Variants in FAM118B observed in about 807,000 individuals in gnomAD.
The protein encoded by FAM118B is protein FAM118B.
Under a neutral mutation model 38.5 loss-of-function variants are expected in FAM118B, and 24 were observed. The observed-to-expected ratio is 0.62, with a 90% CI of 0.45 to 0.88. The LOEUF is 0.88. Ranked by LOEUF, FAM118B falls within the 40% of genes least tolerant of loss-of-function variation. FAM118B has a pLI of 0.00. For synonymous variants in FAM118B, 138 were observed against 156.3 expected (o/e 0.88, Z 0.87); for missense variants, 334 against 420.0 (o/e 0.80, Z 1.79).
intron 1 of FAM118B, among the ~76,000 whole-genome samples, chr11:126,228,314 G>T (rs1049827708): frequency 1.3e-4 from 19 of 150,586 alleles, no homozygotes; most frequent in African/African-American, 4.6e-4. Flanking sequence ...TTCTGCCTCA[G>T]CCTCCCTCCT....
chr11:126,215,716 AT>A (rs1219736763), intron 1 of FAM118B, among the ~76,000 whole-genome samples: 11 of 146,274 alleles, frequency 7.5e-5, no homozygotes, highest in African/African-American at 1.8e-4. Flanking sequence ...AAAAAAAAAA[AT>A]GTCCTAAATG....
intron 7 of FAM118B, among the ~76,000 whole-genome samples, chr11:126,257,607 T>TC (rs1249385511): frequency 6.7e-6 from 1 of 148,306 alleles, no homozygotes; most frequent in African/African-American, 2.5e-5. Flanking sequence ...AATTGTACAT[T>TC]TTTTTTTTTT....
At chr11:126,211,994 C>A (rs948575384) in intron 1 of FAM118B, among the ~76,000 whole-genome samples, 164 bp downstream of exon 1, 1 of 152,224 alleles carries the variant, frequency 6.6e-6, no homozygotes, top group South Asian at 2.1e-4. Flanking sequence ...CGCCCCCGCG[C>A]CCCCTTAGGA....
chr11:126,223,173 G>C (rs1000795131), intron 1 of FAM118B, among the ~76,000 whole-genome samples: 1 of 152,114 alleles, frequency 6.6e-6, no homozygotes, highest in African/African-American at 2.4e-5. Flanking sequence ...GGAGGGGGCT[G>C]GATGGATGTT....
At position 126,234,990 on chromosome 11, in the gene FAM118B, T is replaced by A; in HGVS notation, c.-7-5T>A. 6.2e-7 allele frequency: 1 copy of A among 1,610,936 alleles called. No homozygotes were observed. The highest frequency in any genetic ancestry group is 8.5e-7 in the Non-Finnish European group (1 of 1,177,302). On this transcript the variant is annotated splice_polypyrimidine_tract_variant and splice_region_variant and intron_variant, in intron 2 of 8. Coordinates refer to ENST00000533050, the MANE Select transcript of FAM118B (RefSeq NM_024556.4). ...TTGTGGTTCATGGTGTTTAATCTAT[T>A]TTAGAAACTGGATGGCTTCTACAGG...
At chr11:126,229,813 T>G (rs373357185) in intron 2 of FAM118B, among the ~76,000 whole-genome samples, 5 of 152,198 alleles carry the variant, frequency 3.3e-5, no homozygotes, top group African/African-American at 9.6e-5. Context: ...CATTCTAGAA[T>G]TTGGGGTTTT....
At position 126,262,262 on chromosome 11, in the gene FAM118B, G is replaced by C; in HGVS notation, c.*129G>C. Reference sequence around the variant, plus strand: ...TAACAATAGCCAGAGGTTGAAGGGCGGGGTAGAAGAGGGGGGAATGTTGCA... The same window carrying C: ...TAACAATAGCCAGAGGTTGAAGGGCCGGGTAGAAGAGGGGGGAATGTTGCA... On this transcript the variant is annotated 3_prime_UTR_variant, in exon 9 of 9. Coordinates refer to ENST00000533050, the MANE Select transcript of FAM118B (RefSeq NM_024556.4). 1.0e-6 allele frequency: 1 copy of C among 984,796 alleles called. No homozygotes were observed. The highest frequency in any genetic ancestry group is 1.6e-6 in the Non-Finnish European group (1 of 630,216). The allele number at this position is 984,796 out of a possible 1,614,324, so 61.0% of individuals were successfully genotyped here.
rs1360309103 is a variant in FAM118B at position 126,252,692 on chromosome 11, G to A, written c.568-1613G>A. ...GAGGCAGTCGAGGCTACAGTGAGTT[G>A]TGATCACACTGTTGCACTCCAGCCT... On this transcript the variant is annotated intron_variant, in intron 5 of 8. Transcript: ENST00000533050. This position sits in a 1 kb window ranked among gnomAD's most constrained non-coding sequence, Gnocchi z 4.7. Among the ~76,000 whole-genome samples the A allele has an allele frequency of 3.9e-5, 6 of 151,962 alleles. No individual in the cohort carries two copies. Among genetic ancestry groups the A allele is most frequent in the Non-Finnish European group, 8.8e-5 (6 of 67,996 alleles).
Position 126,247,586 on chromosome 11 carries a change from G to A in FAM118B, c.340-2920G>A, listed in dbSNP as rs142285378. On this transcript the variant is annotated intron_variant, in intron 4 of 8. Transcript: ENST00000533050. ...TAAAATGTAGTACGTATTTGCCAGC[G>A]CGGTGGCTCACGCCTGCAATCCCAA... Among the ~76,000 whole-genome samples the A allele has an allele frequency of 2.0e-3, 298 of 152,126 alleles. 1 individual carries two copies. Among genetic ancestry groups the A allele is most frequent in the African/African-American group, 5.8e-3 (239 of 41,484 alleles).
In FAM118B at chr11:126,250,226, G is replaced by A. The variant is rs1282493426; in HGVS notation, c.340-280G>A. On this transcript the variant is annotated intron_variant, in intron 4 of 8. Coordinates refer to ENST00000533050, the MANE Select transcript of FAM118B (RefSeq NM_024556.4). This position sits in a 1 kb window ranked among gnomAD's most constrained non-coding sequence, Gnocchi z 5.1. Reference sequence around the variant, plus strand: ...CCTGCCTCAGCCTCCCAAGTAGCTGGGACTACAGGCGCCTGTCACCACGCC... The same window carrying A: ...CCTGCCTCAGCCTCCCAAGTAGCTGAGACTACAGGCGCCTGTCACCACGCC... Among the ~76,000 whole-genome samples, 2 of 151,906 alleles carry A rather than the reference G, an allele frequency of 1.3e-5. No individual in the cohort carries two copies. The highest frequency in any genetic ancestry group is 4.8e-5 in the African/African-American group (2 of 41,364).
intron 2 of FAM118B, among the ~76,000 whole-genome samples, chr11:126,231,708 G>C (rs1950208439): frequency 1.3e-5 from 2 of 152,174 alleles, no homozygotes; most frequent in Non-Finnish European, 2.9e-5. Context: ...AGTTGACTGT[G>C]TAAAGAAATA....
intron 2 of FAM118B, among the ~76,000 whole-genome samples, chr11:126,231,547 C>G (rs1950206688): frequency 6.6e-6 from 1 of 152,018 alleles, no homozygotes; most frequent in South Asian, 2.1e-4. Context: ...TGTTAGAAAA[C>G]AGGATGAGTA....
intron 1 of FAM118B, among the ~76,000 whole-genome samples, chr11:126,225,357 T>C (rs1346430406): frequency 6.6e-6 from 1 of 152,244 alleles, no homozygotes; most frequent in East Asian, 1.9e-4. Flanking sequence ...AAGGTCATAA[T>C]CAATACCCAC....
intron 1 of FAM118B, among the ~76,000 whole-genome samples, chr11:126,221,279 A>G (rs904762207): frequency 5.3e-5 from 8 of 152,200 alleles, no homozygotes; most frequent in Non-Finnish European, 8.8e-5. Context: ...TTACAGATTT[A>G]CTTTCTTCCC....
At position 126,256,713 on chromosome 11, in the gene FAM118B, A is replaced by G. The variant is rs746098941; in HGVS notation, c.843A>G (p.Gly281=). The part of the protein sequence containing the change: ...DLEHFMLVRR[G]DVDEFKKLRE... The stretch of plus-strand genomic sequence containing the variant: ...AACATTTCATGCTGGTTCGGAGAGG[A>G]GACGTAGATGAGTTCAAAAAGCTTC... Residue 281 remains glycine, a synonymous_variant, in exon 7 of 9, where the codon GGA becomes GGG. Coordinates refer to ENST00000533050, the MANE Select transcript of FAM118B (RefSeq NM_024556.4). The surrounding 1 kb of genome is among the most constrained non-coding windows in gnomAD (Gnocchi z 6.6). 6.2e-6 allele frequency: 10 copies of G among 1,613,994 alleles called. No individual in the cohort carries two copies. In the South Asian group the frequency reaches 9.9e-5, roughly 16 times the overall value.
In FAM118B at chr11:126,213,092, C is replaced by CT. The variant is rs113552629; in HGVS notation, c.-77+1263dup. On this transcript the variant is annotated intron_variant, in intron 1 of 8. Transcript: ENST00000533050. ...ATTGAGTTATGCAGGTCAAGGCGTA[C>CT]TCTTGGCAGCTGCTGTTGATCTGTG... Among the ~76,000 whole-genome samples, 476 of 152,146 alleles carry CT rather than the reference C, an allele frequency of 3.1e-3. 2 individuals are homozygous for CT. The highest frequency in any genetic ancestry group is 0.011 in the African/African-American group (458 of 41,520).
intron 3 of FAM118B, among the ~76,000 whole-genome samples, chr11:126,240,488 T>G (rs1465837075): frequency 6.6e-6 from 1 of 152,188 alleles, no homozygotes; most frequent in Non-Finnish European, 1.5e-5. Flanking sequence ...TGAGCTATAG[T>G]CTATTTGGAT....
intron 2 of FAM118B, chr11:126,233,625 G>A (rs1004821147): frequency 2.4e-6 from 1 of 409,340 alleles, no homozygotes; most frequent in Non-Finnish European, 4.8e-6. Context: ...CTGGAAACAT[G>A]ATCTACTTCC....
At chr11:126,216,296 A>T (rs1366335292) in intron 1 of FAM118B, among the ~76,000 whole-genome samples, 1 of 151,862 alleles carries the variant, frequency 6.6e-6, no homozygotes, top group Non-Finnish European at 1.5e-5. Context: ...GAATCGCTGG[A>T]ACTGGAGAGA....
Sources: gnomAD v4.1 joint callset for allele counts (sites outside exome capture counted in the v4.1 genomes callset) on GRCh38, gnomAD v4.1.1 for gene constraint, Gnocchi (gnomAD v3.1) non-coding constraint, MANE v1.5 for transcripts, NCBI Gene and HGNC (gene_info 2026-07-23, HGNC 2026-07-21) for gene names.